DNAAF1: variants seen among roughly 807,000 people sequenced by gnomAD.
The protein encoded by DNAAF1 is dynein assembly factor 1, axonemal.
Under a neutral mutation model 71.1 loss-of-function variants are expected in DNAAF1, and 65 were observed. That is an observed-to-expected ratio of 0.91 (90% CI 0.75 to 1.12). The LOEUF (loss-of-function observed/expected upper bound fraction) is 1.12, where lower values mean the gene tolerates loss of function less well. Among genes scored for constraint, DNAAF1 ranks in the 50% most tolerant of loss-of-function variants. The probability of loss-of-function intolerance (pLI) is 0.00; values close to 1 mark genes in which losing one functional copy is unlikely to be tolerated. For missense variants in DNAAF1, 1,178 were observed against 899.8 expected (o/e 1.31, Z -3.96); for synonymous variants, 414 against 354.6 (o/e 1.17, Z -1.88).
rs182422268 is a variant in DNAAF1 at position 84,148,855 on chromosome 16, G to C, written c.125-152G>C. The stretch of plus-strand genomic sequence containing the variant: ...TCTACCTGCCTCAGCCTCCCAAAGA[G>C]CTGGGATTACAGGCCTGAGCCACCA... On this transcript the variant is annotated intron_variant, in intron 1 of 11. Coordinates refer to ENST00000378553, the MANE Select transcript of DNAAF1 (RefSeq NM_178452.6). 2.9e-4 allele frequency: 248 copies of C among 851,904 alleles called. No individual in the cohort carries two copies. The East Asian group carries it at 6.1e-3, about 21-fold the overall frequency. The allele number at this position is 851,904 out of a possible 1,614,324, so 52.8% of individuals were successfully genotyped here.
intron 9 of DNAAF1, 153 bp from the exon 10 acceptor site, chr16:84,174,516 C>T: frequency 6.5e-7 from 1 of 1,540,698 alleles, no homozygotes; most frequent in South Asian, 1.2e-5. Context: ...TCTAGAGTTC[C>T]TTTTGGTGGG....
chr16:84,174,334 AG>A, intron 9 of DNAAF1: 8 of 1,246,264 alleles, frequency 6.4e-6, no homozygotes, highest in Non-Finnish European at 8.1e-6. Flanking sequence ...TAGTTTGTAC[AG>A]AGGTGCATTT....
chr16:84,177,311 T>C lies in DNAAF1; in HGVS notation c.2066-418T>C, dbSNP rs62049869. ...TGTTTTGTTTGAGACAGTCTCGCAC[T>C]GTGGCCTAGGCTGGAATGCAGTCAT... On this transcript the variant is annotated intron_variant, in intron 11 of 11. Coordinates refer to ENST00000378553, the MANE Select transcript of DNAAF1 (RefSeq NM_178452.6). 3.6e-3 allele frequency: 1,199 copies of C among 329,072 alleles called. 5 individuals are homozygous for C. Among genetic ancestry groups the C allele is most frequent in the Middle Eastern group, 0.013 (12 of 908 alleles). The allele number at this position is 329,072 out of a possible 1,614,324, so 20.4% of individuals were successfully genotyped here.
chr16:84,172,114 T>TGATCCG, intron 8 of DNAAF1, 146 bp from the exon 9 acceptor site: 1 of 760,508 alleles, frequency 1.3e-6, no homozygotes, highest in East Asian at 2.7e-5. Context: ...TCTGACCTTG[T>TGATCCG]GATCCGCCCA....
At chr16:84,174,997 A>C in intron 10 of DNAAF1, 1 of 416,650 alleles carries the variant, frequency 2.4e-6, no homozygotes, top group South Asian at 2.1e-5. Flanking sequence ...CTGGGATTAC[A>C]GGCATGAGCC....
At chr16:84,173,555 C>A in intron 9 of DNAAF1, 1 of 984,842 alleles carries the variant, frequency 1.0e-6, no homozygotes, top group Non-Finnish European at 1.2e-6. Context: ...AAACAAAGGC[C>A]AGGTGTGGAG....
At chr16:84,149,292 C>T in intron 2 of DNAAF1, 150 bp downstream of exon 2, 1 of 1,033,102 alleles carries the variant, frequency 9.7e-7, no homozygotes. Context: ...ACTGCCTCTG[C>T]CGCACAGCTG....
intron 5 of DNAAF1, among the ~76,000 whole-genome samples, chr16:84,157,202 C>G (rs926535889): frequency 1.3e-5 from 2 of 152,140 alleles, no homozygotes; most frequent in Middle Eastern, 3.4e-3. Flanking sequence ...TTAACTCTCG[C>G]TATCACTTTA....
intron 6 of DNAAF1, among the ~76,000 whole-genome samples, chr16:84,164,328 G>A (rs1021375800): frequency 2.6e-5 from 4 of 152,084 alleles, no homozygotes; most frequent in East Asian, 1.9e-4. Flanking sequence ...GTATGGGTTC[G>A]GACAAAGGTA....
intron 4 of DNAAF1, among the ~76,000 whole-genome samples, 173 bp from the exon 5 acceptor site, chr16:84,155,410 G>A (rs1485310261): frequency 6.6e-6 from 1 of 152,034 alleles, no homozygotes; most frequent in Non-Finnish European, 1.5e-5. Flanking sequence ...TCTACTTTTT[G>A]TGGATATGGG....
chr16:84,149,271 G>T, intron 2 of DNAAF1, 129 bp downstream of exon 2: 1 of 1,238,660 alleles, frequency 8.1e-7, no homozygotes, highest in Non-Finnish European at 1.2e-6. Flanking sequence ...TGAGAATGGA[G>T]TGAGGATGGC....
intron 4 of DNAAF1, 120 bp downstream of exon 4, chr16:84,154,918 T>G (rs531058974): frequency 2.3e-5 from 21 of 907,970 alleles, no homozygotes; most frequent in South Asian, 1.2e-4. Context: ...CTTTTTTTTG[T>G]TTTTTTTTGA....
intron 7 of DNAAF1, among the ~76,000 whole-genome samples, chr16:84,169,105 T>TAG (rs2088184634): frequency 1.6e-5 from 2 of 121,382 alleles, no homozygotes; most frequent in Non-Finnish European, 3.4e-5. Context: ...TTTTTTTTTT[T>TAG]AGAGAGTCTC....
chr16:84,168,347 G>C (rs562794309), intron 7 of DNAAF1, among the ~76,000 whole-genome samples: 2 of 152,206 alleles, frequency 1.3e-5, no homozygotes, highest in East Asian at 1.9e-4. Context: ...CTGATCTCAG[G>C]GTTCTAGATC....
chr16:84,175,095 A>T lies in DNAAF1; in HGVS notation c.1698+373A>T, dbSNP rs184589004. 85 of 290,564 alleles carry T rather than the reference A, an allele frequency of 2.9e-4. 1 individual carries two copies. The highest frequency in any genetic ancestry group is 1.7e-3 in the African/African-American group (77 of 45,840). 18.0% of individuals were successfully genotyped at this position (290,564 alleles called of 1,614,324 possible). A position where few individuals can be genotyped will look rare whatever the true frequency, so the allele number is the denominator to read the frequency against. On this transcript the variant is annotated intron_variant, in intron 10 of 11. Coordinates refer to ENST00000378553, the MANE Select transcript of DNAAF1 (RefSeq NM_178452.6). Reference sequence around the variant, plus strand: ...GGTCTCGAACTCCTGACCTCAAGTGATCCACCCGCCTCAGCCTCCCAAAGT... The same window carrying T: ...GGTCTCGAACTCCTGACCTCAAGTGTTCCACCCGCCTCAGCCTCCCAAAGT...
At chr16:84,171,713 C>T (rs777486895) in intron 8 of DNAAF1, among the ~76,000 whole-genome samples, 9 of 152,054 alleles carry the variant, frequency 5.9e-5, no homozygotes, top group Non-Finnish European at 1.2e-4. Context: ...AAGATTCCTG[C>T]GGCTGCTGCT....
chr16:84,159,041 T>A (rs1255318912), intron 5 of DNAAF1: 39 of 988,140 alleles, frequency 3.9e-5, no homozygotes, highest in Non-Finnish European at 4.6e-5. Context: ...CCACTAAGCA[T>A]TAAACTTCTT....
At chr16:84,157,280 T>C (rs977095291) in intron 5 of DNAAF1, among the ~76,000 whole-genome samples, 7 of 152,090 alleles carry the variant, frequency 4.6e-5, no homozygotes, top group Admixed American at 4.6e-4. Flanking sequence ...CCCAGCACTT[T>C]GGGAGGCCCA....
chr16:84,167,166 A>G (rs147538078), intron 7 of DNAAF1, among the ~76,000 whole-genome samples: 112 of 152,312 alleles, frequency 7.4e-4, no homozygotes, highest in African/African-American at 2.6e-3. Flanking sequence ...AACTCCAGAG[A>G]ACACTTATAT....
Sources: allele counts gnomAD v4.1 joint callset (sites outside exome capture counted in the v4.1 genomes callset), GRCh38; gene constraint gnomAD v4.1.1; transcripts MANE v1.5; gene names NCBI Gene and HGNC (gene_info 2026-07-23, HGNC 2026-07-21).